The following ABCB5 variants were observed in gnomAD, a reference collection of about 807,000 sequenced individuals.
The protein encoded by ABCB5 is ATP binding cassette subfamily B member 5.
ABCB5 carries 155 observed loss-of-function variants against 144.2 expected under a neutral mutation model. That is an observed-to-expected ratio of 1.08 (90% CI 0.94 to 1.23). The LOEUF (loss-of-function observed/expected upper bound fraction) is 1.23. ABCB5 is among the 50% of genes most tolerant of loss of function. The pLI, the probability that ABCB5 is intolerant of heterozygous loss-of-function variation, is 0.00. For synonymous variants in ABCB5, 610 were observed against 528.6 expected (o/e 1.15, Z -2.11); for missense variants, 1,830 against 1,520.8 (o/e 1.20, Z -3.38).
intron 7 of ABCB5, among the ~76,000 whole-genome samples, chr7:20,644,974 G>C (rs990387882): frequency 6.6e-6 from 1 of 152,192 alleles, no homozygotes; most frequent in African/African-American, 2.4e-5. Context: ...AAGTTAGTAA[G>C]ATCAGAACCT....
chr7:20,628,201 C>T (rs575531062), intron 3 of ABCB5, among the ~76,000 whole-genome samples: 19 of 152,078 alleles, frequency 1.2e-4, no homozygotes, highest in African/African-American at 3.9e-4. Context: ...ATGTTCCCCA[C>T]CCTGTGTCCA....
chr7:20,634,260 G>GTT (rs1219529238), intron 5 of ABCB5, among the ~76,000 whole-genome samples: 2 of 150,048 alleles, frequency 1.3e-5, no homozygotes, highest in Non-Finnish European at 3.0e-5. Context: ...GTGTGTGTGT[G>GTT]TGTGTGTGTG....
rs1554290803 is a variant in ABCB5, at chr7:20,745,328, A to G, written c.3319A>G (p.Ile1107Val). The G allele has an allele frequency of 6.2e-7, 1 of 1,614,156 alleles. No homozygotes were observed. Among genetic ancestry groups the G allele is most frequent in the Admixed American group, 1.7e-5 (1 of 60,022 alleles). ...AGAGCCTGTGCTCTTCAACTGCAGC[A>G]TTGCTGAGAACATCGCCTATGGTGA... ...PQEPVLFNCS[I>V]AENIAYGDNS... Residue 1107 changes from isoleucine to valine, a missense_variant, in exon 26 of 28, where the codon ATT becomes GTT. By Grantham distance (29) the Ile-to-Val change is conservative. Coordinates refer to ENST00000404938, the MANE Select transcript of ABCB5 (RefSeq NM_001163941.2).
intron 4 of ABCB5, among the ~76,000 whole-genome samples, chr7:20,630,921 A>C (rs1177734596): frequency 6.6e-6 from 1 of 152,216 alleles, no homozygotes; most frequent in Non-Finnish European, 1.5e-5. Context: ...AGAGAAGTTC[A>C]ATAATGATTT....
At chr7:20,717,754 C>T (rs925887244) in intron 20 of ABCB5, among the ~76,000 whole-genome samples, 13 of 150,426 alleles carry the variant, frequency 8.6e-5, no homozygotes, top group African/African-American at 2.9e-4. Context: ...CCTCTTCTTA[C>T]AAGAATATCT....
At chr7:20,696,975 TC>T (rs1314117500) in intron 16 of ABCB5, among the ~76,000 whole-genome samples, 1 of 152,192 alleles carries the variant, frequency 6.6e-6, no homozygotes, top group Non-Finnish European at 1.5e-5. Context: ...TTTACTGGTG[TC>T]CTGGCACATG....
chr7:20,643,918 T>C (rs1019925893), intron 7 of ABCB5, among the ~76,000 whole-genome samples: 3 of 152,244 alleles, frequency 2.0e-5, no homozygotes, highest in Admixed American at 6.5e-5. Flanking sequence ...TAAAGTATGA[T>C]GTCCTTATAC....
chr7:20,698,339 G>T (rs1024112182), intron 16 of ABCB5, 68 bp from the exon 17 acceptor site: 64 of 1,343,174 alleles, frequency 4.8e-5, no homozygotes, highest in Non-Finnish European at 6.0e-5. Flanking sequence ...TGTTTATGAT[G>T]GGCTAACTTC....
intron 19 of ABCB5, 123 bp from the exon 20 acceptor site, chr7:20,704,601 T>C: frequency 1.6e-6 from 1 of 631,994 alleles, no homozygotes; most frequent in Non-Finnish European, 2.7e-6. Context: ...TAGTATTTTA[T>C]AGGAATTAAG....
chr7:20,681,611 C>T lies in ABCB5; in HGVS notation c.1814C>T (p.Ala605Val). 1.2e-6 allele frequency: 2 copies of T among 1,614,128 alleles called. No homozygotes were observed. The highest frequency in any genetic ancestry group is 2.2e-5 in the East Asian group (1 of 44,876). Reference sequence around the variant, plus strand: ...GATGGAATGCTGGCGGAGAAAGGAGCACATGCTGAACTAATGGCAAAACGA... The same window carrying T: ...GATGGAATGCTGGCGGAGAAAGGAGTACATGCTGAACTAATGGCAAAACGA... The part of the protein sequence containing the change: ...LKDGMLAEKG[A>V]HAELMAKRGL... Residue 605 changes from alanine to valine, a missense_variant, in exon 15 of 28, where the codon GCA (alanine) becomes GTA (valine). Ala to Val is a moderately conservative substitution (Grantham distance 64, BLOSUM62 0). Transcript: ENST00000404938.
Position 20,699,327 on chromosome 7 carries a change from CATAG to C in ABCB5, c.2155-494_2155-491del, listed in dbSNP as rs1399190112. 3.0e-4 allele frequency among the ~76,000 whole-genome samples: 45 copies of C among 152,236 alleles called. 1 individual carries two copies. Among genetic ancestry groups the C allele is most frequent in the Admixed American group, 1.0e-3 (16 of 15,298 alleles). Reference sequence around the variant, plus strand: ...GAATTAAAAGCAAGTTATTTTTTATCATAGATAATGTATGCAGATGATAGCATCA... The same window carrying C: ...GAATTAAAAGCAAGTTATTTTTTATCATAATGTATGCAGATGATAGCATCA... On this transcript the variant is annotated intron_variant, in intron 17 of 27. Transcript: ENST00000404938.
At chr7:20,745,515 T>C in intron 26 of ABCB5, 77 bp downstream of exon 26, 3 of 1,272,872 alleles carry the variant, frequency 2.4e-6, no homozygotes, top group South Asian at 1.3e-5. Context: ...TGCAGTTGTT[T>C]TTATGTATTC....
At chr7:20,743,867 G>C (rs980289004) in intron 25 of ABCB5, among the ~76,000 whole-genome samples, 1 of 151,934 alleles carries the variant, frequency 6.6e-6, no homozygotes, top group Admixed American at 6.6e-5. Flanking sequence ...TGAACTATGA[G>C]ACACTCATCT....
At chr7:20,617,452 C>G (rs1358009667) in intron 1 of ABCB5, among the ~76,000 whole-genome samples, 1 of 152,122 alleles carries the variant, frequency 6.6e-6, no homozygotes, top group Non-Finnish European at 1.5e-5. Context: ...AATATGTTGT[C>G]AGCACTAAGG....
intron 13 of ABCB5, among the ~76,000 whole-genome samples, chr7:20,657,765 T>A (rs549766256): frequency 3.3e-4 from 50 of 152,362 alleles, no homozygotes; most frequent in Middle Eastern, 3.4e-3. Context: ...TTTTATTGTG[T>A]GTAAATTTCT....
chr7:20,701,258 CT>C (rs1171320346), intron 19 of ABCB5, among the ~76,000 whole-genome samples: 2 of 152,134 alleles, frequency 1.3e-5, no homozygotes, highest in African/African-American at 2.4e-5. Context: ...TACTTTAGGT[CT>C]TTACTGCAAA....
At chr7:20,682,703 C>T (rs1785868967) in intron 15 of ABCB5, among the ~76,000 whole-genome samples, 2 of 152,126 alleles carry the variant, frequency 1.3e-5, no homozygotes, top group Admixed American at 6.5e-5. Context: ...ACAGTGGGCA[C>T]TCAATAAACA....
intron 1 of ABCB5, among the ~76,000 whole-genome samples, chr7:20,620,808 A>G (rs1437516028): frequency 2.6e-5 from 4 of 152,144 alleles, no homozygotes; most frequent in East Asian, 3.8e-4. Flanking sequence ...GTAAAATAAT[A>G]CAGCTGCTAA....
At chr7:20,728,260 A>G in intron 22 of ABCB5, 55 bp from the exon 23 acceptor site, 2 of 1,588,216 alleles carry the variant, frequency 1.3e-6, no homozygotes, top group Non-Finnish European at 8.6e-7. Flanking sequence ...ACATGTATTC[A>G]ATTGACCTTG....
Sources: gnomAD v4.1 joint callset for allele counts (sites outside exome capture counted in the v4.1 genomes callset) on GRCh38, gnomAD v4.1.1 for gene constraint, MANE v1.5 for transcripts, NCBI Gene and HGNC (gene_info 2026-07-23, HGNC 2026-07-21) for gene names.